The following DSCAML1 variants were observed in gnomAD, a reference collection of about 807,000 sequenced individuals.
The protein encoded by DSCAML1 is DS cell adhesion molecule like 1.
DSCAML1 carries 38 observed loss-of-function variants against 200.5 expected under a neutral mutation model. The ratio of observed to expected loss-of-function variants is 0.19; its 90% CI spans 0.15 to 0.25. The LOEUF (loss-of-function observed/expected upper bound fraction) is 0.25. Ranked by LOEUF, DSCAML1 falls within the 10% of genes least tolerant of loss-of-function variation. The pLI is 1.00. For missense variants in DSCAML1, 2,223 were observed against 2,858.8 expected (o/e 0.78, Z 5.07); for synonymous variants, 1,215 against 1,165.0 (o/e 1.04, Z -0.87).
intron 1 of DSCAML1, among the ~76,000 whole-genome samples, chr11:117,793,229 T>C (rs570745554): frequency 5.9e-5 from 9 of 152,278 alleles, no homozygotes; most frequent in East Asian, 3.9e-4. Context: ...GCTCACCCTA[T>C]TCATGCACCT....
chr11:117,712,909 TC>T (rs2053876956), intron 3 of DSCAML1, among the ~76,000 whole-genome samples: 1 of 152,018 alleles, frequency 6.6e-6, no homozygotes, highest in African/African-American at 2.4e-5. Flanking sequence ...GTGTGCTCAT[TC>T]CTCAGGAAGC....
intron 3 of DSCAML1, among the ~76,000 whole-genome samples, chr11:117,597,075 C>G (rs1172739570): frequency 6.6e-6 from 1 of 152,224 alleles, no homozygotes; most frequent in Non-Finnish European, 1.5e-5. Flanking sequence ...CAGCACCGTT[C>G]TGCATGGAGG....
At chr11:117,719,482 G>T (rs961314970) in intron 3 of DSCAML1, among the ~76,000 whole-genome samples, 2 of 152,194 alleles carry the variant, frequency 1.3e-5, no homozygotes, top group East Asian at 3.9e-4. Flanking sequence ...CTCAGAGTCA[G>T]GGTTAGGTAC....
At chr11:117,724,884 G>T (rs11216518) in intron 3 of DSCAML1, among the ~76,000 whole-genome samples, 22,886 of 152,166 alleles carry the variant, frequency 0.15, 2,208 homozygotes, top group East Asian at 0.3. Context: ...GAGGCATGGG[G>T]GAAAGGCCTA....
intron 15 of DSCAML1, 46 bp downstream of exon 15, chr11:117,471,820 GTCC>G (rs2048692900): frequency 5.2e-6 from 7 of 1,341,248 alleles, no homozygotes; most frequent in Non-Finnish European, 7.0e-6. Flanking sequence ...GCCCCTGGTG[GTCC>G]TGATCCCTGA....
intron 3 of DSCAML1, among the ~76,000 whole-genome samples, chr11:117,587,829 G>A (rs1039218908): frequency 5.3e-5 from 8 of 152,124 alleles, no homozygotes; most frequent in Non-Finnish European, 2.9e-5. Flanking sequence ...GCTGCAGAGT[G>A]AGCTCCCTCC....
chr11:117,768,162 G>A lies in DSCAML1; in HGVS notation c.511+8629C>T, dbSNP rs145131591. Among the ~76,000 whole-genome samples, 1,069 of 152,216 alleles carry A rather than the reference G, an allele frequency of 7.0e-3. 5 individuals carry two copies. Among genetic ancestry groups the A allele is most frequent in the Non-Finnish European group, 0.011 (761 of 68,012 alleles). On this transcript the variant is annotated intron_variant, in intron 3 of 32. Transcript: ENST00000651296. ...GCACTTGGAGCAAATTAGACACCCC[G>A]CAGTTTGTGGAGTTATTTACTATGT...
At chr11:117,572,618 T>C (rs1018994683) in intron 3 of DSCAML1, among the ~76,000 whole-genome samples, 1 of 152,136 alleles carries the variant, frequency 6.6e-6, no homozygotes, top group African/African-American at 2.4e-5. Context: ...GCTCAATAAG[T>C]ACTTACAGGG....
At chr11:117,565,820 C>T (rs1414430618) in intron 3 of DSCAML1, among the ~76,000 whole-genome samples, 1 of 152,186 alleles carries the variant, frequency 6.6e-6, no homozygotes, top group Non-Finnish European at 1.5e-5. Context: ...AGCTTGATGG[C>T]GGCGGAAGAC....
chr11:117,464,915 C>T (rs749074420), intron 17 of DSCAML1, 27 bp downstream of exon 17: 67 of 1,608,030 alleles, frequency 4.2e-5, no homozygotes, highest in Middle Eastern at 1.9e-4. Context: ...GGAATCTGTG[C>T]CCACTCCCTT....
In DSCAML1 at chr11:117,481,243, C is replaced by G; in HGVS notation, c.2587G>C (p.Val863Leu). 1 of 1,613,824 alleles carries G rather than the reference C, an allele frequency of 6.2e-7. No homozygotes were observed. Among genetic ancestry groups the G allele is most frequent in the East Asian group, 2.2e-5 (1 of 44,818 alleles). Reference sequence around the variant, plus strand: ...TTGATGGCATGGCAGCTGAAGAACACAGAGTCCCCACGGTCAGCGGGCTTG... The same window carrying G: ...TTGATGGCATGGCAGCTGAAGAACAGAGAGTCCCCACGGTCAGCGGGCTTG... ...KLKPADRGDS[V>L]FFSCHAINSY... The change falls in exon 13 of 33, where the codon GTG becomes CTG. Residue 863 changes from valine (V) to leucine (L), a missense_variant. Around this residue, in one of 7 missense-constraint regions of DSCAML1, gnomAD observed 438 missense variants for 629.7 expected, o/e 0.70. Transcript: ENST00000651296.
chr11:117,584,249 T>C (rs2051101080), intron 3 of DSCAML1, among the ~76,000 whole-genome samples: 1 of 152,204 alleles, frequency 6.6e-6, no homozygotes, highest in Admixed American at 6.5e-5. Flanking sequence ...TTGTTCTAGC[T>C]CCATTTTTGT....
chr11:117,497,883 C>A (rs530669549), intron 11 of DSCAML1, among the ~76,000 whole-genome samples: 14 of 152,364 alleles, frequency 9.2e-5, no homozygotes, highest in African/African-American at 3.1e-4. Flanking sequence ...AGTGCTGCCC[C>A]GCCTCCTCCC....
intron 3 of DSCAML1, among the ~76,000 whole-genome samples, chr11:117,646,554 A>G (rs894993676): frequency 6.6e-6 from 1 of 152,126 alleles, no homozygotes; most frequent in Non-Finnish European, 1.5e-5. Flanking sequence ...TTTAGCATCT[A>G]CTATGTGCAC....
chr11:117,582,378 C>T (rs2051054990), intron 3 of DSCAML1, among the ~76,000 whole-genome samples: 1 of 152,180 alleles, frequency 6.6e-6, no homozygotes, highest in African/African-American at 2.4e-5. Context: ...GGCACTTTCC[C>T]CTTACTGGGT....
rs552117934 is a variant in DSCAML1, at chr11:117,627,860, C to T, written c.512-95338G>A. On this transcript the variant is annotated intron_variant, in intron 3 of 32. Transcript: ENST00000651296. ...TCAGCCATTAGGCTCCTCATGTTCC[C>T]CTCAGACTTCATGAGTGTTGCATTT... Among the ~76,000 whole-genome samples the T allele has an allele frequency of 1.4e-4, 21 of 152,098 alleles. No homozygotes were observed. In the East Asian group the frequency reaches 4.1e-3, roughly 30 times the overall value.
At chr11:117,543,826 T>C (rs1382655155) in intron 3 of DSCAML1, among the ~76,000 whole-genome samples, 3 of 152,194 alleles carry the variant, frequency 2.0e-5, no homozygotes, top group East Asian at 1.9e-4. Flanking sequence ...GTTTTGTTTT[T>C]TTTAAAGATC....
intron 3 of DSCAML1, among the ~76,000 whole-genome samples, chr11:117,639,070 G>T (rs2052347722): frequency 6.6e-6 from 1 of 152,174 alleles, no homozygotes; most frequent in Admixed American, 6.5e-5. Flanking sequence ...CCATCCTAGT[G>T]GGTGTGGTAG....
At chr11:117,766,046 C>A (rs2054891581) in intron 3 of DSCAML1, among the ~76,000 whole-genome samples, 2 of 152,356 alleles carry the variant, frequency 1.3e-5, no homozygotes, top group South Asian at 4.1e-4. Context: ...GATCAGTCAC[C>A]TTCCCAGCTA....
Sources: gnomAD v4.1 joint callset for allele counts (sites outside exome capture counted in the v4.1 genomes callset) on GRCh38, gnomAD v4.1.1 for gene constraint, gnomAD v4.1.1 regional missense constraint, MANE v1.5 for transcripts, NCBI Gene and HGNC (gene_info 2026-07-23, HGNC 2026-07-21) for gene names.